Variants in ZNF48 observed in about 807,000 individuals in gnomAD.
ZNF48 encodes the protein zinc finger protein 553.
Under a neutral mutation model 40.0 loss-of-function variants are expected in ZNF48, and 20 were observed. The observed-to-expected ratio is 0.50, with a 90% CI of 0.35 to 0.73. The LOEUF (loss-of-function observed/expected upper bound fraction) is 0.73, where lower values mean the gene tolerates loss of function less well. Among genes scored for constraint, ZNF48 ranks in the 30% least tolerant of loss-of-function variants. The pLI is 0.01. For missense variants in ZNF48, 726 were observed against 851.9 expected (o/e 0.85, Z 1.84); for synonymous variants, 298 against 329.7 (o/e 0.90, Z 1.04).
Position 30,395,889 on chromosome 16 carries a change from G to A in ZNF48, c.79+16G>A, listed in dbSNP as rs771750560. 2.6e-6 allele frequency: 4 copies of A among 1,515,356 alleles called. No individual in the cohort carries two copies. The highest frequency in any genetic ancestry group is 1.8e-6 in the Non-Finnish European group (2 of 1,133,078). The allele number at this position is 1,515,356 out of a possible 1,614,324, so 93.9% of individuals were successfully genotyped here. A position where few individuals can be genotyped will look rare whatever the true frequency, so the allele number is the denominator to read the frequency against. On this transcript the variant is annotated intron_variant, in intron 2 of 2. Transcript: ENST00000613509. The surrounding 1 kb of genome is among the most constrained non-coding windows in gnomAD (Gnocchi z 5.9). ...GCCCGCACAGGTGAGGGCCTCGGCC[G>A]TGCGCCGCCACGGACAGGTAACGGC...
At chr16:30,378,449 C>G in intron 1 of ZNF48, 1 of 1,572,206 alleles carries the variant, frequency 6.4e-7, no homozygotes, top group Non-Finnish European at 8.6e-7. Context: ...GGGCGTCTGA[C>G]TGCTCGCCCT....
chr16:30,394,091 C>T (rs1181935478), upstream of ZNF48, among the ~76,000 whole-genome samples: 1 of 151,458 alleles, frequency 6.6e-6, no homozygotes, highest in Non-Finnish European at 1.5e-5. Context: ...AGTACAGTGG[C>T]ACGATCCACG....
At position 30,398,436 on chromosome 16, in the gene ZNF48, G is replaced by A. The variant is rs567018085; in HGVS notation, c.1186G>A (p.Ala396Thr). 7.5e-6 allele frequency: 12 copies of A among 1,597,726 alleles called. No homozygotes were observed. In the East Asian group the frequency reaches 9.0e-5, roughly 12 times the overall value. Reference sequence around the variant, plus strand: ...CAGCTTCCCAGGCTATCCCCTACCCGCTCTGATCCCCAGCCCACCCCCACC... The same window carrying A: ...CAGCTTCCCAGGCTATCCCCTACCCACTCTGATCCCCAGCCCACCCCCACC... ...DFSFPGYPLP[A>T]LIPSPPPPPL... Residue 396 changes from alanine to threonine, a missense_variant, in exon 3 of 3, where the codon GCT (alanine) becomes ACT (threonine). Physicochemically the swap from Ala to Thr is moderately conservative, Grantham distance 58. Coordinates refer to ENST00000613509, the MANE Select transcript of ZNF48 (RefSeq NM_001214909.2). The surrounding 1 kb of genome is among the most constrained non-coding windows in gnomAD (Gnocchi z 6.6).
At chr16:30,378,356 TG>T in exon 1 of ZNF48, 1 of 1,354,948 alleles carries the variant, frequency 7.4e-7, no homozygotes, top group Non-Finnish European at 9.9e-7. Flanking sequence ...CGGGGGGCGC[TG>T]GGCAGTGTGG....
chr16:30,391,965 G>A (rs2151115803), upstream of ZNF48, among the ~76,000 whole-genome samples: 1 of 152,200 alleles, frequency 6.6e-6, no homozygotes, highest in African/African-American at 2.4e-5. Flanking sequence ...AGCCTCCCAA[G>A]TAGCTGGGAC....
At chr16:30,385,222 AT>A (rs1447300447) in intron 1 of ZNF48, among the ~76,000 whole-genome samples, 24 of 139,828 alleles carry the variant, frequency 1.7e-4, no homozygotes, top group African/African-American at 6.1e-4. Context: ...TAATAATAAT[AT>A]AAATAAATAA....
upstream of ZNF48, among the ~76,000 whole-genome samples, chr16:30,390,449 G>A (rs1302943920): frequency 2.0e-5 from 3 of 151,752 alleles, no homozygotes; most frequent in African/African-American, 4.8e-5. Context: ...TCGCTCTGTC[G>A]CCCAGGATGG....
intron 1 of ZNF48, among the ~76,000 whole-genome samples, chr16:30,385,548 C>T (rs2049894520): frequency 6.9e-6 from 1 of 144,954 alleles, no homozygotes; most frequent in Non-Finnish European, 1.5e-5. Context: ...TCACTTGAAC[C>T]CAGGAGGCGC....
Position 30,382,741 on chromosome 16 carries a change from C to T in ZNF48, c.-16+4331C>T. 6.5e-7 allele frequency: 1 copy of T among 1,536,264 alleles called. No homozygotes were observed. The highest frequency in any genetic ancestry group is 8.7e-7 in the Non-Finnish European group (1 of 1,146,716). On this transcript the variant is annotated intron_variant, in intron 1 of 2. Transcript: ENST00000528032. This position sits in a 1 kb window ranked among gnomAD's most constrained non-coding sequence, Gnocchi z 4.8. ...CCATCACCTGTCTACGTACCTTCAA[C>T]CCTCCATCCTTCACACATCTGGATT... is the stretch of plus-strand genomic sequence containing the variant.
At chr16:30,392,054 G>A (rs1260711551), upstream of ZNF48, among the ~76,000 whole-genome samples, 4 of 152,072 alleles carry the variant, frequency 2.6e-5, no homozygotes, top group Admixed American at 6.6e-5. Context: ...GCGGCGTATC[G>A]CTCTGTCGCC....
Position 30,381,526 on chromosome 16 carries a change from G to A in ZNF48, c.-16+3116G>A. 1 of 1,602,306 alleles carries A rather than the reference G, an allele frequency of 6.2e-7. No individual in the cohort carries two copies. The highest frequency in any genetic ancestry group is 8.5e-7 in the Non-Finnish European group (1 of 1,170,348). On this transcript the variant is annotated intron_variant, in intron 1 of 2. Transcript: ENST00000528032. The surrounding 1 kb of genome is among the most constrained non-coding windows in gnomAD (Gnocchi z 4.3). ...AGAGATCAAAGGCCAGAGGGCAGGG[G>A]GCAAGGCTAGCCAGGACTGTGGGAG...
intron 1 of ZNF48, among the ~76,000 whole-genome samples, chr16:30,383,264 C>T (rs1373897617): frequency 6.6e-6 from 1 of 152,214 alleles, no homozygotes; most frequent in Admixed American, 6.5e-5. Flanking sequence ...TCTCGGCTCA[C>T]TGCAAGCTCC....
At chr16:30,379,887 G>A (rs773257863) in intron 1 of ZNF48, 8 of 1,051,210 alleles carry the variant, frequency 7.6e-6, no homozygotes, top group Middle Eastern at 2.1e-4. Flanking sequence ...GATTACAGAC[G>A]TGAGCCACCG....
rs2050009605 is a variant in ZNF48, at chr16:30,398,286, C to T, written c.1036C>T (p.Arg346Ter). 1.2e-6 allele frequency: 2 copies of T among 1,613,510 alleles called. No homozygotes were observed. Among genetic ancestry groups the T allele is most frequent in the Non-Finnish European group, 1.7e-6 (2 of 1,180,032 alleles). Reference sequence around the variant, plus strand: ...CAAAGGTTTCGCGGACAGCTCCGCCCGAGTCAAACACCTCCGCACCCACAG... The same window carrying T: ...CAAAGGTTTCGCGGACAGCTCCGCCTGAGTCAAACACCTCCGCACCCACAG... ...CGKGFADSSA[R>*]VKHLRTHSGE... Residue 346 changes from arginine (R) to a stop codon, truncating the protein, a stop_gained, in exon 3 of 3, where the codon CGA becomes TGA. Coordinates refer to ENST00000613509, the MANE Select transcript of ZNF48 (RefSeq NM_001214909.2). LOFTEE classifies it high-confidence loss of function. The surrounding 1 kb of genome is among the most constrained non-coding windows in gnomAD (Gnocchi z 6.6).
rs570064880 is a variant in ZNF48 at position 30,395,902 on chromosome 16, G to A, written c.79+29G>A. 770 of 1,502,254 alleles carry A rather than the reference G, an allele frequency of 5.1e-4. 9 individuals are homozygous for A. In the South Asian group the frequency reaches 9.0e-3, roughly 18 times the overall value. The allele number at this position is 1,502,254 out of a possible 1,614,324, so 93.1% of individuals were successfully genotyped here. ...AGGGCCTCGGCCGTGCGCCGCCACG[G>A]ACAGGTAACGGCCGGTGGGGACTGC... On this transcript the variant is annotated intron_variant, in intron 2 of 2. Coordinates refer to ENST00000613509, the MANE Select transcript of ZNF48 (RefSeq NM_001214909.2). This position sits in a 1 kb window ranked among gnomAD's most constrained non-coding sequence, Gnocchi z 5.9.
chr16:30,392,069 C>T (rs1194645402), upstream of ZNF48, among the ~76,000 whole-genome samples: 3 of 152,228 alleles, frequency 2.0e-5, no homozygotes, highest in Non-Finnish European at 4.4e-5. Context: ...GTCGCCCAGG[C>T]TGGAGCGCAG....
rs368818440 is a variant in ZNF48, at chr16:30,381,448, C to T, written c.-16+3038C>T. The T allele has an allele frequency of 1.4e-5, 23 of 1,613,834 alleles. No homozygotes were observed. The highest frequency in any genetic ancestry group is 1.8e-5 in the Non-Finnish European group (21 of 1,180,004). On this transcript the variant is annotated intron_variant, in intron 1 of 2. Transcript: ENST00000528032. The surrounding 1 kb of genome is among the most constrained non-coding windows in gnomAD (Gnocchi z 4.3). Reference sequence around the variant, plus strand: ...CTAAGGTACTGCTCAAATTGCTCCTCGATGAATTTCACCACCGGAAGCCAG... The same window carrying T: ...CTAAGGTACTGCTCAAATTGCTCCTTGATGAATTTCACCACCGGAAGCCAG...
At chr16:30,394,415 G>C (rs1337995481), upstream of ZNF48, 2 of 152,206 alleles carry the variant, frequency 1.3e-5, no homozygotes, top group African/African-American at 2.4e-5. Flanking sequence ...CGCCCAGAGA[G>C]CGGATACTGG....
chr16:30,394,679 C>G (rs2049965808), upstream of ZNF48: 1 of 153,562 alleles, frequency 6.5e-6, no homozygotes, highest in African/African-American at 2.4e-5. Context: ...TCTTACTGCT[C>G]CTCGGACTCT....
Sources: allele counts gnomAD v4.1 joint callset (sites outside exome capture counted in the v4.1 genomes callset), GRCh38; gene constraint gnomAD v4.1.1; non-coding constraint Gnocchi (gnomAD v3.1); transcripts MANE v1.5; gene names NCBI Gene and HGNC (gene_info 2026-07-23, HGNC 2026-07-21).